Variants in ZNF503 observed in about 807,000 individuals in gnomAD.
The protein encoded by ZNF503 is NocA-like zinc finger 2.
ZNF503 carries 15 observed loss-of-function variants against 34.4 expected under a neutral mutation model. The observed-to-expected ratio is 0.44, with a 90% CI of 0.29 to 0.67. The LOEUF (loss-of-function observed/expected upper bound fraction) is 0.67, where lower values mean the gene tolerates loss of function less well. Among genes scored for constraint, ZNF503 ranks in the 30% least tolerant of loss-of-function variants. The pLI is 0.13. For synonymous variants in ZNF503, 580 were observed against 456.8 expected (o/e 1.27, Z -3.44); for missense variants, 1,007 against 926.8 (o/e 1.09, Z -1.12).
chr10:75,387,700 T>C, the ZNF503 span, among the ~76,000 whole-genome samples: 1 of 151,990 alleles, frequency 6.6e-6, no homozygotes, highest in Non-Finnish European at 1.5e-5. Context: ...TAGGGCTGGG[T>C]TTTGCTGGGT....
chr10:75,298,443 T>C, the ZNF503 span, among the ~76,000 whole-genome samples: 8 of 152,232 alleles, frequency 5.3e-5, no homozygotes, highest in African/African-American at 1.9e-4. Flanking sequence ...AATAGAGTCA[T>C]ATAATATGTG....
chr10:75,298,298 G>A, the ZNF503 span, among the ~76,000 whole-genome samples: 1 of 151,910 alleles, frequency 6.6e-6, no homozygotes, highest in Non-Finnish European at 1.5e-5. Context: ...TATTTAATTC[G>A]AGAACATTTT....
At chr10:75,397,729 T>G (rs1369114589), downstream of ZNF503, 1 of 152,318 alleles carries the variant, frequency 6.6e-6, no homozygotes, top group Non-Finnish European at 1.5e-5. Context: ...GATCGGAAAT[T>G]CAGCCACGGT....
rs1469524452 is a variant in ZNF503, at chr10:75,401,208, C to A, written c.212G>T (p.Arg71Leu). The A allele has an allele frequency of 6.8e-6, 11 of 1,607,706 alleles. No homozygotes were observed. Among genetic ancestry groups the A allele is most frequent in the Non-Finnish European group, 9.3e-6 (11 of 1,176,516 alleles). ...PPSDPLRQAN[R>L]LPIKVLKMLT... The stretch of plus-strand genomic sequence containing the variant: ...CATCTTCAGCACCTTGATTGGCAGG[C>A]GGTTGGCCTGGCGCAGGGGGTCAGA... Residue 71 changes from arginine to leucine, a missense_variant, in exon 1 of 2, where the codon CGC becomes CTC. Coordinates refer to ENST00000372524, the MANE Select transcript of ZNF503 (RefSeq NM_032772.6).
chr10:75,394,671 G>A (rs765198511), downstream of ZNF503, among the ~76,000 whole-genome samples: 10 of 152,222 alleles, frequency 6.6e-5, no homozygotes, highest in African/African-American at 1.2e-4. Flanking sequence ...TCTGCTGTCG[G>A]AGCATAAGTG....
the ZNF503 span, among the ~76,000 whole-genome samples, chr10:75,284,386 T>TGCGGGGGAG: frequency 2.6e-5 from 1 of 38,298 alleles, no homozygotes; most frequent in African/African-American, 2.1e-4. Context: ...GAGGGGGCGT[T>TGCGGGGGAG]GGTGGGGAGG....
the ZNF503 span, among the ~76,000 whole-genome samples, chr10:75,386,955 T>C: frequency 6.6e-6 from 1 of 152,244 alleles, no homozygotes; most frequent in Non-Finnish European, 1.5e-5. Context: ...CCCACTAGAC[T>C]GGACAGTAAG....
chr10:75,400,045 C>A lies in ZNF503; in HGVS notation c.645G>T (p.Pro215=), dbSNP rs569413185. The part of the protein sequence containing the change: ...VSSEKSGFRV[P]SATCQPFTPR... ...GCGTGAATGGCTGGCAGGTGGCGCT[C>A]GGTACCCGGAATCCCGACTTCTCCG... Residue 215 remains proline (P), a synonymous_variant, in exon 2 of 2, where the codon CCG becomes CCT. Coordinates refer to ENST00000372524, the MANE Select transcript of ZNF503 (RefSeq NM_032772.6). The A allele has an allele frequency of 6.3e-7, 1 of 1,593,822 alleles. No homozygotes were observed. The highest frequency in any genetic ancestry group is 8.5e-7 in the Non-Finnish European group (1 of 1,173,604).
At chr10:75,335,254 C>CA in the ZNF503 span, among the ~76,000 whole-genome samples, 4 of 151,964 alleles carry the variant, frequency 2.6e-5, no homozygotes, top group Non-Finnish European at 4.4e-5. Context: ...CACTGAGATG[C>CA]AAAAAATGCT....
the ZNF503 span, among the ~76,000 whole-genome samples, chr10:75,336,219 G>A: frequency 6.6e-6 from 1 of 152,024 alleles, no homozygotes; most frequent in Non-Finnish European, 1.5e-5. Context: ...CACCTACTAA[G>A]CATCTCCAAT....
In ZNF503 at chr10:75,399,826, G is replaced by A. The variant is rs1350238157; in HGVS notation, c.864C>T (p.Gly288=). The A allele has an allele frequency of 6.2e-7, 1 of 1,603,748 alleles. No homozygotes were observed. The highest frequency in any genetic ancestry group is 1.7e-5 in the Admixed American group (1 of 59,358). ...GLAHGRISCG[G]GINVDVNQHP... is the part of the protein sequence containing the mutation. ...GCTGGTTCACATCCACATTAATCCC[G>A]CCGCCGCAGCTAATCCGGCCGTGTG... The change falls in exon 2 of 2, where the codon GGC becomes GGT. Residue 288 remains glycine, a synonymous_variant. Transcript: ENST00000372524.
the ZNF503 span, chr10:75,283,354 A>G: frequency 6.6e-6 from 1 of 152,424 alleles, no homozygotes; most frequent in South Asian, 2.1e-4. Flanking sequence ...TCAGCAGCAG[A>G]CATACGTGTG....
the ZNF503 span, among the ~76,000 whole-genome samples, chr10:75,341,293 C>T: frequency 6.6e-5 from 10 of 152,136 alleles, no homozygotes; most frequent in Non-Finnish European, 1.3e-4. Context: ...TAAACATTGG[C>T]AAAGTTTGGT....
chr10:75,281,658 G>A, the ZNF503 span, among the ~76,000 whole-genome samples: 346 of 152,256 alleles, frequency 2.3e-3, 1 homozygote, highest in Non-Finnish European at 4.0e-3. Flanking sequence ...CTCTCATTTT[G>A]ATACCCAGGC....
chr10:75,345,468 C>T, the ZNF503 span, among the ~76,000 whole-genome samples: 1 of 151,686 alleles, frequency 6.6e-6, no homozygotes, highest in Non-Finnish European at 1.5e-5. Flanking sequence ...AACCCTGTCT[C>T]TACTAAAAAT....
At chr10:75,333,881 G>A in the ZNF503 span, among the ~76,000 whole-genome samples, 20 of 37,394 alleles carry the variant, frequency 5.3e-4, no homozygotes, top group African/African-American at 3.8e-3. Flanking sequence ...GGGCAGAGGC[G>A]CTCCTCACAT....
At chr10:75,327,067 ATTTC>A in the ZNF503 span, among the ~76,000 whole-genome samples, 3 of 152,142 alleles carry the variant, frequency 2.0e-5, no homozygotes, top group Admixed American at 1.3e-4. Context: ...AACATTTATT[ATTTC>A]TTTGTGTTAG....
At chr10:75,303,892 G>C in the ZNF503 span, among the ~76,000 whole-genome samples, 1 of 148,746 alleles carries the variant, frequency 6.7e-6, no homozygotes, top group Non-Finnish European at 1.5e-5. Flanking sequence ...GGAGTGCAGT[G>C]GTACAATCTC....
chr10:75,392,555 C>G, the ZNF503 span, among the ~76,000 whole-genome samples: 1 of 152,076 alleles, frequency 6.6e-6, no homozygotes, highest in Non-Finnish European at 1.5e-5. Context: ...TGGGTGCCAT[C>G]CATCAGGGTG....
Sources: allele counts gnomAD v4.1 joint callset (sites outside exome capture counted in the v4.1 genomes callset), GRCh38; gene constraint gnomAD v4.1.1; transcripts MANE v1.5; gene names NCBI Gene and HGNC (gene_info 2026-07-23, HGNC 2026-07-21).